Variants in OPRM1 observed in about 807,000 individuals in gnomAD.
The protein encoded by OPRM1 is mu-type opioid receptor.
A neutral mutation model predicts 31.8 loss-of-function variants in OPRM1; 27 were observed. The ratio of observed to expected loss-of-function variants is 0.85; its 90% CI spans 0.63 to 1.17. The LOEUF is 1.17. Among genes scored for constraint, OPRM1 ranks in the 50% most tolerant of loss-of-function variants. The pLI is 0.00. For missense variants in OPRM1, 536 were observed against 511.1 expected (o/e 1.05, Z -0.47); for synonymous variants, 196 against 189.9 (o/e 1.03, Z -0.26).
intron 3 of OPRM1, among the ~76,000 whole-genome samples, chr6:154,231,690 G>A (rs144515383): frequency 1.6e-4 from 25 of 152,218 alleles, no homozygotes; most frequent in South Asian, 6.2e-4. Flanking sequence ...CTGTATTTGC[G>A]AAAAGAAACA....
chr6:154,068,133 T>C (rs1437600969), intron 1 of OPRM1, among the ~76,000 whole-genome samples: 4 of 152,290 alleles, frequency 2.6e-5, no homozygotes, highest in Non-Finnish European at 4.4e-5. Context: ...AAGTAATCGA[T>C]GTAAATTTCT....
rs145384527 is a variant in OPRM1, at chr6:154,202,487, G to A, written c.1165-44206G>A. On this transcript the variant is annotated intron_variant, in intron 3 of 3. Coordinates refer to the OPRM1 transcript ENST00000337049. ...ATCCATTCTGGACCAGTCCTGACAC[G>A]TTCCCCTATTGTGAGCTATTTTAGT... Among the ~76,000 whole-genome samples, 842 of 152,268 alleles carry A rather than the reference G, an allele frequency of 5.5e-3. 5 individuals carry two copies. Among genetic ancestry groups the A allele is most frequent in the African/African-American group, 0.019 (798 of 41,548 alleles).
chr6:154,075,595 G>A (rs1365892584), intron 1 of OPRM1, among the ~76,000 whole-genome samples: 1 of 152,072 alleles, frequency 6.6e-6, no homozygotes, highest in African/African-American at 2.4e-5. Context: ...GGGATTATGA[G>A]TGCAGGCCAC....
intron 3 of OPRM1, among the ~76,000 whole-genome samples, chr6:154,234,397 G>A (rs1057504996): frequency 1.3e-5 from 2 of 152,004 alleles, no homozygotes; most frequent in African/African-American, 2.4e-5. Context: ...TTGCCTTTCC[G>A]AGTATCTCCT....
rs954721080 is a variant in OPRM1 at position 154,125,144 on chromosome 6, A to C, written c.*6423A>C. 6.6e-6 allele frequency among the ~76,000 whole-genome samples: 1 copy of C among 152,154 alleles called. No homozygotes were observed. Among genetic ancestry groups the C allele is most frequent in the Non-Finnish European group, 1.5e-5 (1 of 68,022 alleles). ...CCCAATATTAACCAGAGCAGCCCAA[A>C]ATATTTCAGGGTAAGAATAGATATA... On this transcript the variant is annotated 3_prime_UTR_variant, in exon 4 of 4. Coordinates refer to ENST00000330432, the MANE Select transcript of OPRM1 (RefSeq NM_000914.5).
chr6:154,189,520 G>A (rs776724382), intron 3 of OPRM1, among the ~76,000 whole-genome samples: 4 of 151,256 alleles, frequency 2.6e-5, no homozygotes, highest in Non-Finnish European at 4.4e-5. Context: ...TAAATAGAGA[G>A]ACTATAGCAA....
chr6:154,019,750 T>TTCTTTTC (rs1214258152), intron 1 of OPRM1, among the ~76,000 whole-genome samples: 2 of 145,508 alleles, frequency 1.4e-5, no homozygotes, highest in African/African-American at 5.2e-5. Context: ...TTCTTTTCTT[T>TTCTTTTC]TTTTTTTTTT....
chr6:154,233,908 G>A (rs1779914574), intron 3 of OPRM1, among the ~76,000 whole-genome samples: 1 of 152,184 alleles, frequency 6.6e-6, no homozygotes, highest in African/African-American at 2.4e-5. Context: ...GGGTCTTGGG[G>A]TAGAAATGCC....
intron 3 of OPRM1, among the ~76,000 whole-genome samples, chr6:154,199,254 C>T (rs1776883686): frequency 6.6e-6 from 1 of 152,150 alleles, no homozygotes; most frequent in Non-Finnish European, 1.5e-5. Flanking sequence ...GGGGCACAGC[C>T]CAGAGAAAGT....
At chr6:154,038,270 C>T (rs569290007), upstream of OPRM1, among the ~76,000 whole-genome samples, 73 of 151,882 alleles carry the variant, frequency 4.8e-4, no homozygotes, top group African/African-American at 1.6e-3. Flanking sequence ...TATGTACATG[C>T]ACAGATATAT....
chr6:154,211,167 A>G (rs2128604555), intron 3 of OPRM1, among the ~76,000 whole-genome samples: 1 of 152,300 alleles, frequency 6.6e-6, no homozygotes, highest in African/African-American at 2.4e-5. Context: ...TTGTAATCCC[A>G]GCACTTTGGG....
intron 3 of OPRM1, among the ~76,000 whole-genome samples, chr6:154,175,342 T>C (rs1244867998): frequency 1.4e-5 from 2 of 145,802 alleles, no homozygotes; most frequent in African/African-American, 5.0e-5. Flanking sequence ...CTGAAGGAGG[T>C]AGAGACACAA....
chr6:154,118,117 A>G (rs1286467449), intron 3 of OPRM1, among the ~76,000 whole-genome samples: 1 of 152,240 alleles, frequency 6.6e-6, no homozygotes, highest in Non-Finnish European at 1.5e-5. Context: ...ATAGCAGGCC[A>G]CATTTCCATG....
chr6:154,208,619 C>T (rs1777703036), intron 3 of OPRM1, among the ~76,000 whole-genome samples: 1 of 152,196 alleles, frequency 6.6e-6, no homozygotes, highest in African/African-American at 2.4e-5. Flanking sequence ...TCAATAAATA[C>T]TTCTTGAATG....
At position 154,197,945 on chromosome 6, in the gene OPRM1, G is replaced by A. The variant is rs1377324121; in HGVS notation, c.1165-48748G>A. ...TTTATTATTTTCTTTAGTTTCACCA[G>A]TCCTATATCTGGAAGTCTCTTCTAA... On this transcript the variant is annotated intron_variant, in intron 3 of 3. Coordinates refer to the OPRM1 transcript ENST00000337049. 2.0e-5 allele frequency among the ~76,000 whole-genome samples: 3 copies of A among 152,272 alleles called. No individual in the cohort carries two copies. The East Asian group carries it at 5.8e-4, about 29-fold the overall frequency.
At chr6:154,160,990 T>G (rs1798966805) in intron 3 of OPRM1, among the ~76,000 whole-genome samples, 1 of 152,160 alleles carries the variant, frequency 6.6e-6, no homozygotes, top group Non-Finnish European at 1.5e-5. Context: ...GCTCCTCACC[T>G]GCACTGGCAC....
chr6:154,069,572 A>G (rs1187480571), intron 1 of OPRM1, among the ~76,000 whole-genome samples: 2 of 152,164 alleles, frequency 1.3e-5, no homozygotes, highest in African/African-American at 2.4e-5. Flanking sequence ...CCAGAAAATC[A>G]TTGCAGAAAC....
chr6:154,100,904 C>A (rs1794741458), intron 3 of OPRM1, among the ~76,000 whole-genome samples: 1 of 147,710 alleles, frequency 6.8e-6, no homozygotes, highest in Non-Finnish European at 1.5e-5. Context: ...TATATATAAT[C>A]CAGGATTCGT....
chr6:154,049,693 G>A (rs1006869489), intron 1 of OPRM1, among the ~76,000 whole-genome samples: 2 of 152,138 alleles, frequency 1.3e-5, no homozygotes, highest in Non-Finnish European at 2.9e-5. Context: ...CAAGTTGTAT[G>A]TTTTATTATA....
Sources: allele counts gnomAD v4.1 joint callset (sites outside exome capture counted in the v4.1 genomes callset), GRCh38; gene constraint gnomAD v4.1.1; transcripts MANE v1.5; gene names NCBI Gene and HGNC (gene_info 2026-07-23, HGNC 2026-07-21).